FXYD6: variants seen among roughly 807,000 people sequenced by gnomAD.
FXYD6 encodes FXYD domain-containing ion transport regulator 6.
Under a neutral mutation model 16.7 loss-of-function variants are expected in FXYD6, and 7 were observed. That is an observed-to-expected ratio of 0.42 (90% CI 0.24 to 0.79). FXYD6 has a LOEUF of 0.79. Among genes scored for constraint, FXYD6 ranks in the 30% least tolerant of loss-of-function variants. The pLI is 0.28. For missense variants in FXYD6, 111 were observed against 116.2 expected (o/e 0.95, Z 0.21); for synonymous variants, 49 against 43.0 (o/e 1.14, Z -0.54).
At chr11:117,877,122 TAGG>T (rs2057288752), upstream of FXYD6, 1 of 152,034 alleles carries the variant, frequency 6.6e-6, no homozygotes, top group Non-Finnish European at 1.5e-5. Context: ...AACGGAAAAA[TAGG>T]AGAAAATAAC....
At chr11:117,862,106 G>A (rs1042516420) in intron 1 of FXYD6, among the ~76,000 whole-genome samples, 3 of 152,234 alleles carry the variant, frequency 2.0e-5, no homozygotes, top group Non-Finnish European at 4.4e-5. Context: ...CCCAGAGGAA[G>A]TGGGAGAGGC....
chr11:117,844,208 TTG>T, intron 1 of FXYD6: 1 of 152,570 alleles, frequency 6.6e-6, no homozygotes, highest in East Asian at 1.9e-4. Flanking sequence ...GGCCCAAACC[TTG>T]ATTCAAAAAG....
intron 6 of FXYD6, chr11:117,840,032 G>T: frequency 1.5e-6 from 1 of 683,330 alleles, no homozygotes; most frequent in Non-Finnish European, 2.5e-6. Flanking sequence ...CAGTCCCTCG[G>T]TTACAAAATG....
intron 1 of FXYD6, among the ~76,000 whole-genome samples, chr11:117,854,336 C>T (rs976682833): frequency 2.6e-5 from 4 of 152,228 alleles, no homozygotes; most frequent in Non-Finnish European, 4.4e-5. Flanking sequence ...TAGGGCTCTT[C>T]CTGCCCCCTG....
intron 5 of FXYD6, 38 bp downstream of exon 5, chr11:117,841,110 G>A (rs368854664): frequency 6.4e-5 from 104 of 1,613,496 alleles, no homozygotes; most frequent in Admixed American, 2.5e-4. Context: ...GTCCCACCTA[G>A]TATCACCCCC....
chr11:117,842,157 T>G, intron 2 of FXYD6, 129 bp from the exon 3 acceptor site: 6 of 1,392,842 alleles, frequency 4.3e-6, no homozygotes, highest in Non-Finnish European at 4.0e-6. Context: ...TAAACAGAGA[T>G]GCCTAGAGGT....
chr11:117,858,923 G>A (rs900081163), intron 1 of FXYD6, among the ~76,000 whole-genome samples: 5 of 151,718 alleles, frequency 3.3e-5, no homozygotes, highest in Non-Finnish European at 5.9e-5. Context: ...CTACAGGTGC[G>A]AACCACCACA....
chr11:117,874,322 G>A (rs549904364), intron 1 of FXYD6, among the ~76,000 whole-genome samples: 6 of 152,156 alleles, frequency 3.9e-5, no homozygotes, highest in Admixed American at 3.9e-4. Flanking sequence ...TCCCCCAGGC[G>A]CCTACCGTCT....
chr11:117,848,110 G>A (rs1207005437), intron 1 of FXYD6, among the ~76,000 whole-genome samples: 1 of 152,132 alleles, frequency 6.6e-6, no homozygotes, highest in Non-Finnish European at 1.5e-5. Flanking sequence ...TTGTCCTAGT[G>A]TACTGGGTAG....
chr11:117,876,969 A>G (rs1174426854), upstream of FXYD6: 1 of 152,192 alleles, frequency 6.6e-6, no homozygotes, highest in Non-Finnish European at 1.5e-5. Context: ...GCAACAGGAG[A>G]CTGCCGCCGA....
intron 1 of FXYD6, among the ~76,000 whole-genome samples, chr11:117,858,695 CTTTCTTTCTCTCTCTCTCT>C (rs1565323660): frequency 3.2e-4 from 26 of 80,362 alleles, no homozygotes; most frequent in East Asian, 5.5e-4. Flanking sequence ...TTCTTTCTTT[CTTTCTTTCTCTCTCTCTCT>C]CCTTCCTTCC....
intron 6 of FXYD6, 88 bp from the exon 7 acceptor site, chr11:117,839,918 C>T: frequency 6.4e-7 from 1 of 1,553,714 alleles, no homozygotes; most frequent in South Asian, 1.1e-5. Context: ...CTGCCTGACT[C>T]TGGGGGAGCA....
At chr11:117,860,989 G>T (rs73585096) in intron 1 of FXYD6, among the ~76,000 whole-genome samples, 1 of 152,312 alleles carries the variant, frequency 6.6e-6, no homozygotes, top group African/African-American at 2.4e-5. Context: ...TGGCTCCAGG[G>T]TCCTTGCTCT....
chr11:117,867,481 C>G (rs1291496858), intron 1 of FXYD6, among the ~76,000 whole-genome samples: 14 of 152,194 alleles, frequency 9.2e-5, no homozygotes. Context: ...CTTTAACCTC[C>G]TCCTTCCCCT....
rs1160243963 is a variant in FXYD6, at chr11:117,872,110, C to T, written c.-6+4482G>A. On this transcript the variant is annotated intron_variant, in intron 1 of 7. Transcript: ENST00000526014. This position sits in a 1 kb window ranked among gnomAD's most constrained non-coding sequence, Gnocchi z 4.9. ...TGGCAAACCTGGACCTGAGCTGTAA[C>T]ATCAGTGGGTAAAATGGAATGGGCT... 6.6e-6 allele frequency among the ~76,000 whole-genome samples: 1 copy of T among 152,130 alleles called. No individual in the cohort carries two copies. Among genetic ancestry groups the T allele is most frequent in the Non-Finnish European group, 1.5e-5 (1 of 68,042 alleles).
In FXYD6 at chr11:117,872,390, G is replaced by A. The variant is rs2057158531; in HGVS notation, c.-6+4202C>T. Among the ~76,000 whole-genome samples, 1 of 152,148 alleles carries A rather than the reference G, an allele frequency of 6.6e-6. No homozygotes were observed. Among genetic ancestry groups the A allele is most frequent in the Admixed American group, 6.5e-5 (1 of 15,278 alleles). ...ACATGAGGTGGACAGTAGGGGAGAG[G>A]AAGGAACAGGACAAGCCCATTGATC... On this transcript the variant is annotated intron_variant, in intron 1 of 7. Coordinates refer to ENST00000526014, the MANE Select transcript of FXYD6 (RefSeq NM_022003.4). The surrounding 1 kb of genome is among the most constrained non-coding windows in gnomAD (Gnocchi z 4.9).
chr11:117,868,167 T>A (rs1442948069), intron 1 of FXYD6, among the ~76,000 whole-genome samples: 1 of 152,202 alleles, frequency 6.6e-6, no homozygotes, highest in African/African-American at 2.4e-5. Flanking sequence ...CCCCATGATC[T>A]GTCCTCACCT....
chr11:117,841,331 G>A, intron 4 of FXYD6, 147 bp from the exon 5 acceptor site: 3 of 996,270 alleles, frequency 3.0e-6, no homozygotes, highest in Non-Finnish European at 4.4e-6. Flanking sequence ...GTGGCCCTCG[G>A]ATGGGGTAGC....
At chr11:117,854,438 A>G (rs1235741076) in intron 1 of FXYD6, among the ~76,000 whole-genome samples, 3 of 152,224 alleles carry the variant, frequency 2.0e-5, no homozygotes, top group South Asian at 4.1e-4. Context: ...TCAAACCCCA[A>G]CAATCACCTC....
Sources: allele counts gnomAD v4.1 joint callset (sites outside exome capture counted in the v4.1 genomes callset), GRCh38; gene constraint gnomAD v4.1.1; non-coding constraint Gnocchi (gnomAD v3.1); transcripts MANE v1.5; gene names NCBI Gene and HGNC (gene_info 2026-07-23, HGNC 2026-07-21).